Variants in LRRC4C observed in about 807,000 individuals in gnomAD.
The protein encoded by LRRC4C is leucine rich repeat containing 4C, also known as leucine-rich repeat-containing protein 4C.
Under a neutral mutation model 33.6 loss-of-function variants are expected in LRRC4C, and 5 were observed. The observed-to-expected ratio is 0.15, with a 90% CI of 0.08 to 0.31. LRRC4C has a LOEUF of 0.31. LRRC4C is among the 10% of genes least tolerant of loss of function. The pLI is 1.00. For synonymous variants in LRRC4C, 329 were observed against 302.0 expected (o/e 1.09, Z -0.93); for missense variants, 560 against 796.7 (o/e 0.70, Z 3.58).
chr11:40,742,056 A>G (rs1423106007), intron 2 of LRRC4C, among the ~76,000 whole-genome samples: 1 of 152,076 alleles, frequency 6.6e-6, no homozygotes, highest in Non-Finnish European at 1.5e-5. Flanking sequence ...ATATTGCCAT[A>G]AAGGGGCATT....
chr11:41,366,669 T>C (rs1952557157), intron 1 of LRRC4C, among the ~76,000 whole-genome samples: 1 of 152,090 alleles, frequency 6.6e-6, no homozygotes, highest in African/African-American at 2.4e-5. Context: ...ATAAGGTCTT[T>C]AAGGAAGTAA....
chr11:40,924,707 CT>C (rs1293436335), intron 2 of LRRC4C, among the ~76,000 whole-genome samples: 1 of 152,098 alleles, frequency 6.6e-6, no homozygotes, highest in Non-Finnish European at 1.5e-5. Context: ...AAATACCTGA[CT>C]TGATCGTTAA....
At chr11:41,116,104 G>A (rs985511050) in intron 1 of LRRC4C, among the ~76,000 whole-genome samples, 1 of 152,038 alleles carries the variant, frequency 6.6e-6, no homozygotes, top group South Asian at 2.1e-4. Context: ...TCTGCTTCTA[G>A]TCACTGTGTT....
At chr11:40,867,081 C>T (rs146089278) in intron 2 of LRRC4C, among the ~76,000 whole-genome samples, 1 of 152,148 alleles carries the variant, frequency 6.6e-6, no homozygotes, top group Admixed American at 6.6e-5. Context: ...GCATTCTATC[C>T]TTTTCCTTTC....
intron 1 of LRRC4C, among the ~76,000 whole-genome samples, chr11:41,163,955 A>T (rs1385471934): frequency 1.3e-5 from 2 of 152,126 alleles, no homozygotes; most frequent in Admixed American, 1.3e-4. Context: ...ATTGTTGTGG[A>T]TATATAATAG....
chr11:41,037,657 C>G (rs1164756175), intron 1 of LRRC4C, among the ~76,000 whole-genome samples: 2 of 151,542 alleles, frequency 1.3e-5, no homozygotes, highest in African/African-American at 2.4e-5. Context: ...ATTGTTGAAA[C>G]AACCCAACAA....
At chr11:41,404,989 G>C (rs921630671) in intron 1 of LRRC4C, among the ~76,000 whole-genome samples, 1 of 151,956 alleles carries the variant, frequency 6.6e-6, no homozygotes, top group Non-Finnish European at 1.5e-5. Context: ...TTTAGTATGC[G>C]ATATTTAAAT....
chr11:41,077,770 TC>T (rs1939264347), intron 1 of LRRC4C, among the ~76,000 whole-genome samples: 1 of 152,208 alleles, frequency 6.6e-6, no homozygotes, highest in South Asian at 2.1e-4. Context: ...AAATTTCTTC[TC>T]CAGAAAATGG....
rs1409666415 is a variant in LRRC4C at position 40,907,090 on chromosome 11, T to A, written c.-407+26545A>T. Among the ~76,000 whole-genome samples the A allele has an allele frequency of 2.6e-5, 4 of 152,330 alleles. No individual in the cohort carries two copies. In the East Asian group the frequency reaches 7.7e-4, roughly 29 times the overall value. ...GCAAATATAGAGATATGCAAGTATA[T>A]CAGTTACTTCTACCCTACTAGCTTA... On this transcript the variant is annotated intron_variant, in intron 2 of 6. Transcript: ENST00000528697.
intron 3 of LRRC4C, among the ~76,000 whole-genome samples, chr11:40,344,586 C>A (rs1425677301): frequency 6.6e-6 from 1 of 152,106 alleles, no homozygotes; most frequent in Non-Finnish European, 1.5e-5. Context: ...CCCTTAAAAA[C>A]CAGAACAAGT....
chr11:41,183,990 T>C (rs758464176), intron 1 of LRRC4C, among the ~76,000 whole-genome samples: 1 of 152,184 alleles, frequency 6.6e-6, no homozygotes, highest in Non-Finnish European at 1.5e-5. Flanking sequence ...GCCCAAGCTA[T>C]AACTTGGCCC....
chr11:40,852,657 A>G (rs1953567125), intron 2 of LRRC4C, among the ~76,000 whole-genome samples: 1 of 152,200 alleles, frequency 6.6e-6, no homozygotes, highest in South Asian at 2.1e-4. Flanking sequence ...GGGAATGAAA[A>G]TAATTTATCA....
At chr11:40,910,398 A>T (rs1376810809) in intron 2 of LRRC4C, among the ~76,000 whole-genome samples, 1 of 152,222 alleles carries the variant, frequency 6.6e-6, no homozygotes, top group Admixed American at 6.5e-5. Context: ...TTAAGAAATT[A>T]TCATCTGGTT....
At chr11:41,002,002 T>C (rs957752972) in intron 1 of LRRC4C, among the ~76,000 whole-genome samples, 1 of 151,986 alleles carries the variant, frequency 6.6e-6, no homozygotes, top group Non-Finnish European at 1.5e-5. Flanking sequence ...ATTTAGGGAG[T>C]TTTTTTCCTC....
chr11:40,890,275 T>C (rs1033977213), intron 2 of LRRC4C, among the ~76,000 whole-genome samples: 2 of 152,172 alleles, frequency 1.3e-5, no homozygotes, highest in African/African-American at 4.8e-5. Context: ...GGAAGTCCAA[T>C]ATCAAAGTAC....
intron 5 of LRRC4C, among the ~76,000 whole-genome samples, chr11:40,167,992 C>A (rs1478497734): frequency 6.6e-6 from 1 of 152,086 alleles, no homozygotes; most frequent in African/African-American, 2.4e-5. Flanking sequence ...TGCAGTGAGC[C>A]TAGATGGCGC....
chr11:40,521,036 G>A (rs1341151242), intron 3 of LRRC4C, among the ~76,000 whole-genome samples: 1 of 151,994 alleles, frequency 6.6e-6, no homozygotes, highest in African/African-American at 2.4e-5. Context: ...TGCATATGCA[G>A]GAATGAGACA....
chr11:40,909,235 G>A (rs1237764963), intron 2 of LRRC4C, among the ~76,000 whole-genome samples: 3 of 151,874 alleles, frequency 2.0e-5, no homozygotes, highest in Non-Finnish European at 4.4e-5. Context: ...CAATCTTTTA[G>A]GTAAGATTCT....
intron 3 of LRRC4C, among the ~76,000 whole-genome samples, chr11:40,439,557 A>C (rs1951297698): frequency 6.6e-6 from 1 of 150,540 alleles, no homozygotes; most frequent in African/African-American, 2.4e-5. Context: ...AGGCTCAAGC[A>C]ATTCTTCTGC....
Sources: gnomAD v4.1 joint callset for allele counts (sites outside exome capture counted in the v4.1 genomes callset) on GRCh38, gnomAD v4.1.1 for gene constraint, MANE v1.5 for transcripts, NCBI Gene and HGNC (gene_info 2026-07-23, HGNC 2026-07-21) for gene names.